The following LRCH1 variants were observed in gnomAD, a reference collection of about 807,000 sequenced individuals.
LRCH1 encodes leucine-rich repeat and calponin homology domain-containing protein 1.
In LRCH1, 23 loss-of-function variants were observed where a neutral mutation model predicts 94.9. The ratio of observed to expected loss-of-function variants is 0.24; its 90% CI spans 0.17 to 0.34. The LOEUF (loss-of-function observed/expected upper bound fraction) is 0.34, where lower values mean the gene tolerates loss of function less well. LRCH1 is among the 10% of genes least tolerant of loss of function. LRCH1 has a pLI of 1.00. For missense variants in LRCH1, 790 were observed against 945.9 expected, an observed-to-expected ratio of 0.84 and a Z score of 2.16; for synonymous variants, 364 against 354.9, an observed-to-expected ratio of 1.03 and a Z score of -0.29.
chr13:46,621,769 T>A (rs576165751), intron 1 of LRCH1, among the ~76,000 whole-genome samples: 2 of 152,342 alleles, frequency 1.3e-5, no homozygotes, highest in East Asian at 3.9e-4. Context: ...AGTAGCTTCA[T>A]TGTAATCAGT....
chr13:46,667,268 T>A (rs2051529413), intron 2 of LRCH1, among the ~76,000 whole-genome samples: 1 of 152,108 alleles, frequency 6.6e-6, no homozygotes, highest in African/African-American at 2.4e-5. Context: ...GTGCCCAGAT[T>A]AGAAAGGTTC....
chr13:46,635,616 A>G (rs1594303561), intron 1 of LRCH1, among the ~76,000 whole-genome samples: 1 of 151,524 alleles, frequency 6.6e-6, no homozygotes, highest in Non-Finnish European at 1.5e-5. Flanking sequence ...GACTACAAGT[A>G]CCCGCCACCA....
intron 2 of LRCH1, among the ~76,000 whole-genome samples, chr13:46,660,049 T>TTTTTTTTTTTTTA (rs1430696663): frequency 6.0e-5 from 9 of 149,266 alleles, no homozygotes; most frequent in Non-Finnish European, 8.9e-5. Flanking sequence ...TTTTTTTTTT[T>TTTTTTTTTTTTTA]GAGACAGGCT....
In LRCH1 at chr13:46,573,866, A is replaced by ATTT. The variant is rs540821255; in HGVS notation, c.307+20175_307+20177dup. ...GTCAAATATATATATATATATATAT[A>ATTT]TTTTTTTTTTTTTTGAGATGGAGTC... is the stretch of plus-strand genomic sequence containing the variant. On this transcript the variant is annotated intron_variant, in intron 1 of 19. Transcript: ENST00000389797. Among the ~76,000 whole-genome samples the ATTT allele has an allele frequency of 1.3e-3, 84 of 63,356 alleles. 2 individuals are homozygous for ATTT. Among genetic ancestry groups the ATTT allele is most frequent in the African/African-American group, 3.4e-3 (66 of 19,316 alleles). The allele number at this position is 63,356 out of a possible 152,430, so 41.6% of individuals were successfully genotyped here.
chr13:46,729,360 A>G (rs1872987046), intron 18 of LRCH1, among the ~76,000 whole-genome samples: 1 of 151,978 alleles, frequency 6.6e-6, no homozygotes, highest in Middle Eastern at 3.2e-3. Context: ...ACGGGGTTCT[A>G]AAATAGAAAA....
chr13:46,706,492 T>G (rs1273688393), intron 13 of LRCH1, among the ~76,000 whole-genome samples: 1 of 152,200 alleles, frequency 6.6e-6, no homozygotes, highest in African/African-American at 2.4e-5. Flanking sequence ...CAGTCTCCCC[T>G]GGACCAATTT....
intron 9 of LRCH1, 122 bp downstream of exon 9, chr13:46,695,139 A>C (rs1593358101): frequency 8.2e-7 from 1 of 1,213,396 alleles, no homozygotes; most frequent in East Asian, 2.3e-5. Flanking sequence ...CCCTCCCTGA[A>C]GCGTTCCAAA....
intron 1 of LRCH1, among the ~76,000 whole-genome samples, chr13:46,622,548 T>G (rs2050892811): frequency 6.6e-6 from 1 of 152,196 alleles, no homozygotes; most frequent in South Asian, 2.1e-4. Context: ...TCCTCACTCT[T>G]TTCCTGCTTC....
intron 4 of LRCH1, among the ~76,000 whole-genome samples, chr13:46,684,429 T>A (rs939835907): frequency 1.3e-5 from 2 of 152,214 alleles, no homozygotes; most frequent in African/African-American, 4.8e-5. Context: ...GTAAGTTTTC[T>A]CCTGCTATGT....
At chr13:46,727,660 A>G (rs969513767) in intron 17 of LRCH1, among the ~76,000 whole-genome samples, 6 of 152,094 alleles carry the variant, frequency 3.9e-5, no homozygotes, top group Admixed American at 3.3e-4. Context: ...ATAAAAGGTC[A>G]ACATGGGGGA....
At chr13:46,706,052 T>G (rs17068660) in intron 13 of LRCH1, among the ~76,000 whole-genome samples, 3,985 of 152,330 alleles carry the variant, frequency 0.026, 125 homozygotes, top group East Asian at 0.09. Flanking sequence ...TGTTTGCACA[T>G]GTACTATAGT....
At chr13:46,623,342 CAT>C (rs764140591) in intron 1 of LRCH1, among the ~76,000 whole-genome samples, 3 of 152,008 alleles carry the variant, frequency 2.0e-5, no homozygotes, top group Admixed American at 6.6e-5. Flanking sequence ...TGGGGAAAGA[CAT>C]ATTTAATAAA....
chr13:46,621,606 C>A (rs930480499), intron 1 of LRCH1, among the ~76,000 whole-genome samples: 1 of 152,096 alleles, frequency 6.6e-6, no homozygotes, highest in Admixed American at 6.5e-5. Flanking sequence ...GGAAGGGGTT[C>A]TGCATTGCTT....
intron 18 of LRCH1, among the ~76,000 whole-genome samples, chr13:46,732,721 C>T (rs796263867): frequency 1.1e-4 from 17 of 152,278 alleles, no homozygotes; most frequent in Middle Eastern, 3.4e-3. Context: ...CTCTTGGTAC[C>T]TCATCTGCCA....
intron 16 of LRCH1, among the ~76,000 whole-genome samples, chr13:46,720,384 CT>C (rs553393751): frequency 4.9e-4 from 74 of 152,296 alleles, no homozygotes; most frequent in African/African-American, 1.6e-3. Flanking sequence ...GAGACTGTGT[CT>C]CTCCACCCGC....
intron 11 of LRCH1, among the ~76,000 whole-genome samples, chr13:46,703,389 C>G (rs1871588618): frequency 6.6e-6 from 1 of 152,190 alleles, no homozygotes; most frequent in South Asian, 2.1e-4. Flanking sequence ...TGACAAGTAC[C>G]TACCTTTTAG....
At position 46,625,679 on chromosome 13, in the gene LRCH1, G is replaced by A. The variant is rs917955740; in HGVS notation, c.308-24522G>A. On this transcript the variant is annotated intron_variant, in intron 1 of 19. Coordinates refer to ENST00000389797, the MANE Select transcript of LRCH1 (RefSeq NM_001164211.2). The stretch of plus-strand genomic sequence containing the variant: ...GGTCTTGTTTGTTTGTTTGAGACAG[G>A]GTCTCTCTCTGTTGCCTGGGCTGGA... 2.7e-5 allele frequency among the ~76,000 whole-genome samples: 4 copies of A among 147,144 alleles called. No individual in the cohort carries two copies. The South Asian group carries it at 8.7e-4, about 32-fold the overall frequency.
At chr13:46,690,551 C>A (rs1870841458) in intron 7 of LRCH1, among the ~76,000 whole-genome samples, 1 of 152,130 alleles carries the variant, frequency 6.6e-6, no homozygotes, top group Admixed American at 6.5e-5. Flanking sequence ...AAGTAGGATG[C>A]TAATATCATT....
chr13:46,660,105 T>G (rs7999245), intron 2 of LRCH1, among the ~76,000 whole-genome samples: 2,629 of 139,266 alleles, frequency 0.019, 75 homozygotes, highest in African/African-American at 0.065. Context: ...TCCGCCTCCT[T>G]GGTTCACGCC....
Sources: allele counts gnomAD v4.1 joint callset (sites outside exome capture counted in the v4.1 genomes callset), GRCh38; gene constraint gnomAD v4.1.1; transcripts MANE v1.5; gene names NCBI Gene and HGNC (gene_info 2026-07-23, HGNC 2026-07-21).